PRDM11: variants seen among roughly 807,000 people sequenced by gnomAD.
PRDM11 encodes PR/SET domain 11, also known as PR domain-containing protein 11.
PRDM11 carries 20 observed loss-of-function variants against 97.8 expected under a neutral mutation model. The ratio of observed to expected loss-of-function variants is 0.20; its 90% CI spans 0.14 to 0.30. The LOEUF (loss-of-function observed/expected upper bound fraction) is 0.30, where lower values mean the gene tolerates loss of function less well. PRDM11 is among the 10% of genes least tolerant of loss of function. PRDM11 has a pLI of 1.00. For missense variants in PRDM11, 1,139 were observed against 1,555.2 expected (o/e 0.73, Z 4.50); for synonymous variants, 599 against 637.7 (o/e 0.94, Z 0.91).
chr11:45,105,855 T>C (rs1339610727), intron 1 of PRDM11, among the ~76,000 whole-genome samples: 1 of 152,166 alleles, frequency 6.6e-6, no homozygotes, highest in Admixed American at 6.5e-5. Context: ...AAGTGCTTGG[T>C]GCTAAGCCCC....
chr11:45,126,381 G>T (rs1259375819), intron 1 of PRDM11, among the ~76,000 whole-genome samples: 2 of 152,058 alleles, frequency 1.3e-5, no homozygotes. Context: ...CTGTCATTAT[G>T]ATGTTAGCTG....
intron 1 of PRDM11, among the ~76,000 whole-genome samples, chr11:45,100,053 A>AT (rs751550533): frequency 3.3e-5 from 5 of 152,116 alleles, no homozygotes; most frequent in South Asian, 2.1e-4. Flanking sequence ...AAGATTTTTT[A>AT]TTTTTTTTAA....
At chr11:45,161,938 G>T (rs1851938845) in intron 1 of PRDM11, among the ~76,000 whole-genome samples, 2 of 152,228 alleles carry the variant, frequency 1.3e-5, no homozygotes, top group African/African-American at 4.8e-5. Flanking sequence ...CGGCAGGGCT[G>T]GGAATGGTAG....
At chr11:45,128,924 T>A (rs536959060) in intron 1 of PRDM11, among the ~76,000 whole-genome samples, 42 of 152,252 alleles carry the variant, frequency 2.8e-4, no homozygotes, top group African/African-American at 9.9e-4. Flanking sequence ...AAATCCTAAC[T>A]AAAATATTAG....
At chr11:45,123,021 T>TAAA (rs1226638973) in intron 1 of PRDM11, among the ~76,000 whole-genome samples, 1 of 152,144 alleles carries the variant, frequency 6.6e-6, no homozygotes, top group African/African-American at 2.4e-5. Flanking sequence ...CCTGACTTTT[T>TAAA]AATGATCGCC....
intron 5 of PRDM11, among the ~76,000 whole-genome samples, chr11:45,207,356 G>A (rs1205420229): frequency 1.3e-5 from 2 of 152,188 alleles, no homozygotes; most frequent in Non-Finnish European, 2.9e-5. Context: ...GTCGTGTTGA[G>A]CTTATCTTTA....
chr11:45,164,017 G>C (rs1321614926), intron 1 of PRDM11, among the ~76,000 whole-genome samples: 2 of 152,154 alleles, frequency 1.3e-5, no homozygotes, highest in Non-Finnish European at 2.9e-5. Flanking sequence ...ATGAGATCCA[G>C]GTTTGAATCC....
chr11:45,099,916 C>T (rs1009802495), intron 1 of PRDM11, among the ~76,000 whole-genome samples: 4 of 152,180 alleles, frequency 2.6e-5, no homozygotes, highest in Non-Finnish European at 5.9e-5. Flanking sequence ...GCTGTTCTGA[C>T]AGAGCTGTAG....
At chr11:45,140,431 C>G (rs917042537) in intron 1 of PRDM11, among the ~76,000 whole-genome samples, 2 of 152,206 alleles carry the variant, frequency 1.3e-5, no homozygotes, top group East Asian at 1.9e-4. Flanking sequence ...GTGCTCTCCA[C>G]CAGCAATGTG....
intron 4 of PRDM11, among the ~76,000 whole-genome samples, chr11:45,201,055 G>A (rs574720521): frequency 1.3e-5 from 2 of 152,212 alleles, no homozygotes; most frequent in African/African-American, 4.8e-5. Flanking sequence ...TCCCCCCATG[G>A]CTGATTTCAA....
intron 1 of PRDM11, among the ~76,000 whole-genome samples, chr11:45,105,610 T>C (rs1469948026): frequency 6.6e-6 from 1 of 152,226 alleles, no homozygotes; most frequent in East Asian, 1.9e-4. Flanking sequence ...AGCAGAGCCA[T>C]GGAAGCAGCT....
chr11:45,176,538 C>T (rs545684952), intron 1 of PRDM11, among the ~76,000 whole-genome samples: 3 of 152,200 alleles, frequency 2.0e-5, no homozygotes, highest in South Asian at 2.1e-4. Flanking sequence ...TGCCACAGGA[C>T]GGATGGGGAA....
At chr11:45,120,133 T>G (rs1281231830) in intron 1 of PRDM11, among the ~76,000 whole-genome samples, 1 of 152,224 alleles carries the variant, frequency 6.6e-6, no homozygotes, top group East Asian at 1.9e-4. Context: ...ACACAGTGTA[T>G]GACTGGATAG....
intron 4 of PRDM11, among the ~76,000 whole-genome samples, chr11:45,190,900 T>C (rs979442934): frequency 1.3e-5 from 2 of 152,206 alleles, no homozygotes; most frequent in Non-Finnish European, 2.9e-5. Context: ...ACAGCCATAG[T>C]TGGCTGACCC....
intron 5 of PRDM11, among the ~76,000 whole-genome samples, chr11:45,217,316 T>G (rs912649871): frequency 6.6e-6 from 1 of 152,178 alleles, no homozygotes; most frequent in Non-Finnish European, 1.5e-5. Flanking sequence ...TCCTTTCTCT[T>G]AAGTCCTTTG....
At chr11:45,099,223 T>C (rs1851931633) in intron 1 of PRDM11, among the ~76,000 whole-genome samples, 1 of 151,594 alleles carries the variant, frequency 6.6e-6, no homozygotes, top group South Asian at 2.1e-4. Context: ...GAGGCTGAGG[T>C]GGGCAGATTG....
intron 4 of PRDM11, among the ~76,000 whole-genome samples, chr11:45,188,428 G>A (rs1049235401): frequency 2.0e-5 from 3 of 152,138 alleles, no homozygotes; most frequent in Admixed American, 1.3e-4. Flanking sequence ...CTCTCATTCC[G>A]CCTCTTGGCC....
intron 1 of PRDM11, among the ~76,000 whole-genome samples, chr11:45,120,334 G>T (rs1565235765): frequency 1.3e-5 from 2 of 152,156 alleles, no homozygotes; most frequent in Non-Finnish European, 2.9e-5. Context: ...TCATGCCTGA[G>T]AATTTTCCAA....
At position 45,182,365 on chromosome 11, in the gene PRDM11, G is replaced by A; in HGVS notation, c.223+16G>A. On this transcript the variant is annotated intron_variant, in intron 3 of 7. Coordinates refer to ENST00000683152, the MANE Select transcript of PRDM11 (RefSeq NM_001384648.1). ...GACTTCTGGTGTAAGTGGAGCTTGGGGCTCTGGGCTGCTCCTCCCTTCACC... is the reference window on the plus strand; with the variant it reads ...GACTTCTGGTGTAAGTGGAGCTTGGAGCTCTGGGCTGCTCCTCCCTTCACC... 6.2e-7 allele frequency: 1 copy of A among 1,606,234 alleles called. No homozygotes were observed. The highest frequency in any genetic ancestry group is 8.5e-7 in the Non-Finnish European group (1 of 1,173,632).
Sources: allele counts gnomAD v4.1 joint callset (sites outside exome capture counted in the v4.1 genomes callset), GRCh38; gene constraint gnomAD v4.1.1; transcripts MANE v1.5; gene names NCBI Gene and HGNC (gene_info 2026-07-23, HGNC 2026-07-21).